The following ATP8A2 variants were observed in gnomAD, a reference collection of about 807,000 sequenced individuals.
The protein encoded by ATP8A2 is phospholipid-transporting ATPase IB.
ATP8A2 carries 100 observed loss-of-function variants against 165.6 expected under a neutral mutation model. The observed-to-expected ratio is 0.60, with a 90% CI of 0.51 to 0.71. ATP8A2 has a LOEUF of 0.71. Ranked by LOEUF, ATP8A2 falls within the 30% of genes least tolerant of loss-of-function variation. The pLI, the probability that ATP8A2 is intolerant of heterozygous loss-of-function variation, is 0.00. For synonymous variants in ATP8A2, 543 were observed against 548.8 expected, an observed-to-expected ratio of 0.99 and a Z score of 0.15; for missense variants, 1,227 against 1,479.5, an observed-to-expected ratio of 0.83 and a Z score of 2.80.
chr13:25,850,383 A>G (rs972780919), intron 30 of ATP8A2, among the ~76,000 whole-genome samples: 2 of 81,550 alleles, frequency 2.5e-5, no homozygotes, highest in Non-Finnish European at 5.1e-5. Flanking sequence ...CTGTAGCCCC[A>G]CCCCCACCTC....
intron 25 of ATP8A2, among the ~76,000 whole-genome samples, chr13:25,709,734 A>G (rs1002202021): frequency 3.9e-5 from 6 of 152,218 alleles, no homozygotes; most frequent in South Asian, 4.1e-4. Context: ...ATGTTGAATG[A>G]TATTAGTTTA....
chr13:25,561,278 C>G (rs2039145742), intron 15 of ATP8A2, among the ~76,000 whole-genome samples: 1 of 152,090 alleles, frequency 6.6e-6, no homozygotes, highest in East Asian at 1.9e-4. Context: ...TCTCCAGCTT[C>G]CCTGTTCCCT....
At position 25,904,688 on chromosome 13, in the gene ATP8A2, TC is replaced by T. The variant is rs138253865; in HGVS notation, c.3183+42281del. Among the ~76,000 whole-genome samples, 822 of 152,338 alleles carry T rather than the reference TC, an allele frequency of 5.4e-3. 3 individuals carry two copies. Among genetic ancestry groups the T allele is most frequent in the African/African-American group, 0.018 (731 of 41,580 alleles). ...TGTTATAGTTTTCCCTAATGCTCTC[TC>T]TTTTTCCTCACATCTCCCCCCGGTA... On this transcript the variant is annotated intron_variant, in intron 33 of 36. Coordinates refer to ENST00000381655, the MANE Select transcript of ATP8A2 (RefSeq NM_016529.6).
intron 1 of ATP8A2, among the ~76,000 whole-genome samples, chr13:25,453,737 A>T (rs2035289713): frequency 6.6e-6 from 1 of 152,220 alleles, no homozygotes; most frequent in South Asian, 2.1e-4. Context: ...TTTGTGAAGA[A>T]CTTTCTGAAA....
chr13:25,548,122 A>G (rs1406353366), intron 10 of ATP8A2, among the ~76,000 whole-genome samples: 1 of 152,126 alleles, frequency 6.6e-6, no homozygotes, highest in Non-Finnish European at 1.5e-5. Flanking sequence ...GCTACTATGG[A>G]GGCTGAGGCA....
At position 26,022,497 on chromosome 13, in the gene ATP8A2, A is replaced by G. The variant is rs1957095274; in HGVS notation, c.*2512A>G. On this transcript the variant is annotated 3_prime_UTR_variant, in exon 37 of 37. Transcript: ENST00000381655. ...ATTCTCTTGAGAAGTAGACTAAACA[A>G]TATTTGCAGTGATGACAGACGCACA... 1 of 152,344 alleles carries G rather than the reference A, an allele frequency of 6.6e-6. No individual in the cohort carries two copies. The highest frequency in any genetic ancestry group is 2.1e-4 in the South Asian group (1 of 4,824). 9.4% of individuals were successfully genotyped at this position (152,344 alleles called of 1,614,324 possible).
intron 33 of ATP8A2, among the ~76,000 whole-genome samples, chr13:25,891,776 G>T (rs914909454): frequency 2.0e-5 from 3 of 152,098 alleles, no homozygotes; most frequent in Non-Finnish European, 4.4e-5. Context: ...TTTCACCAGG[G>T]ATGTCCAAAC....
At chr13:25,741,013 T>C (rs17686146) in intron 25 of ATP8A2, among the ~76,000 whole-genome samples, 19,836 of 152,264 alleles carry the variant, frequency 0.13, 1,459 homozygotes, top group East Asian at 0.23. Context: ...TACGGTATTA[T>C]AGATAAAGCT....
At chr13:25,717,632 A>C (rs989669653) in intron 25 of ATP8A2, among the ~76,000 whole-genome samples, 7 of 152,204 alleles carry the variant, frequency 4.6e-5, no homozygotes, top group Admixed American at 1.3e-4. Context: ...AGAAATATAC[A>C]ACAATTCTAA....
At chr13:25,531,366 ATATATATGT>A (rs1443371653) in intron 4 of ATP8A2, among the ~76,000 whole-genome samples, 36 of 127,404 alleles carry the variant, frequency 2.8e-4, no homozygotes, top group East Asian at 2.4e-3. Context: ...TATATATGAT[ATATATATGT>A]TATATATATG....
chr13:25,990,176 G>A (rs1013515092), intron 35 of ATP8A2, among the ~76,000 whole-genome samples: 12 of 147,240 alleles, frequency 8.1e-5, no homozygotes, highest in Non-Finnish European at 1.2e-4. Flanking sequence ...CTCTTTCATC[G>A]CTTCACTTCT....
At chr13:25,519,229 G>C (rs1026186564) in intron 2 of ATP8A2, among the ~76,000 whole-genome samples, 1 of 152,076 alleles carries the variant, frequency 6.6e-6, no homozygotes, top group South Asian at 2.1e-4. Flanking sequence ...TAGTTCACAG[G>C]TCACCTTCTC....
At chr13:25,957,943 G>A (rs910763180) in intron 33 of ATP8A2, among the ~76,000 whole-genome samples, 1 of 152,114 alleles carries the variant, frequency 6.6e-6, no homozygotes, top group Non-Finnish European at 1.5e-5. Context: ...CCATAAAAAA[G>A]GATGAGTTCA....
At chr13:25,563,408 T>TC (rs2039218966) in intron 15 of ATP8A2, among the ~76,000 whole-genome samples, 1 of 77,698 alleles carries the variant, frequency 1.3e-5, no homozygotes, top group Admixed American at 1.2e-4. Context: ...AAATTTCATC[T>TC]CAAAAAAAAA....
intron 25 of ATP8A2, among the ~76,000 whole-genome samples, chr13:25,757,024 A>G (rs77248813): frequency 0.014 from 2,161 of 152,128 alleles, 61 homozygotes; most frequent in African/African-American, 0.049. Context: ...CCTCATTAAT[A>G]TGTTCACACA....
At chr13:25,996,118 G>T (rs531768330) in intron 35 of ATP8A2, among the ~76,000 whole-genome samples, 2 of 152,132 alleles carry the variant, frequency 1.3e-5, no homozygotes, top group Admixed American at 6.5e-5. Flanking sequence ...ATTAATGTTT[G>T]CATGATGTAT....
chr13:25,765,866 C>T (rs2044480261), intron 25 of ATP8A2, among the ~76,000 whole-genome samples: 1 of 152,130 alleles, frequency 6.6e-6, no homozygotes, highest in Non-Finnish European at 1.5e-5. Context: ...CAAAAAAAAC[C>T]CGGGTCTGTT....
intron 32 of ATP8A2, 55 bp from the exon 33 acceptor site, chr13:25,862,246 G>T: frequency 7.6e-7 from 1 of 1,315,370 alleles, no homozygotes. Context: ...TGGAGTTGGG[G>T]TGAATCTGCC....
chr13:25,476,386 A>T (rs1484157621), intron 2 of ATP8A2, among the ~76,000 whole-genome samples: 1 of 151,944 alleles, frequency 6.6e-6, no homozygotes, highest in African/African-American at 2.4e-5. Context: ...TCCTGGGTTC[A>T]AGCGATTCTC....
Sources: gnomAD v4.1 joint callset for allele counts (sites outside exome capture counted in the v4.1 genomes callset) on GRCh38, gnomAD v4.1.1 for gene constraint, MANE v1.5 for transcripts, NCBI Gene and HGNC (gene_info 2026-07-23, HGNC 2026-07-21) for gene names.